The following WIPF3 variants were observed in gnomAD, a reference collection of about 807,000 sequenced individuals.
WIPF3 encodes the protein WAS/WASL interacting protein family member 3.
A neutral mutation model predicts 38.9 loss-of-function variants in WIPF3; 33 were observed. The observed-to-expected ratio is 0.85, with a 90% confidence interval of 0.64 to 1.14. WIPF3 has a LOEUF of 1.14. WIPF3 is among the 50% of genes most tolerant of loss of function. WIPF3 has a pLI of 0.00. For missense variants in WIPF3, 711 were observed against 652.5 expected, an observed-to-expected ratio of 1.09 and a Z score of -0.98; for synonymous variants, 324 against 269.3, an observed-to-expected ratio of 1.20 and a Z score of -1.99.
chr7:29,885,007 G>T (rs1005745337), intron 5 of WIPF3, among the ~76,000 whole-genome samples: 1 of 152,170 alleles, frequency 6.6e-6, no homozygotes, highest in Non-Finnish European at 1.5e-5. Flanking sequence ...TGGAGGGGGC[G>T]TGAGTGTGGC....
intron 2 of WIPF3, among the ~76,000 whole-genome samples, chr7:29,845,293 G>A (rs909087550): frequency 1.5e-4 from 23 of 152,288 alleles, no homozygotes; most frequent in South Asian, 6.2e-4. Flanking sequence ...TAGCAGTGCG[G>A]GGCACATAGT....
intron 1 of WIPF3, among the ~76,000 whole-genome samples, chr7:29,824,892 A>ATCCTGG (rs1437508365): frequency 1.3e-5 from 2 of 152,166 alleles, no homozygotes; most frequent in African/African-American, 4.8e-5. Flanking sequence ...GAATCTGCTT[A>ATCCTGG]TCCTGGAACA....
At chr7:29,809,479 G>C (rs191143586) in intron 1 of WIPF3, among the ~76,000 whole-genome samples, 1 of 152,204 alleles carries the variant, frequency 6.6e-6, no homozygotes, top group Admixed American at 6.5e-5. Flanking sequence ...TGACTTTGCC[G>C]ACAGCATGAC....
Position 29,843,988 on chromosome 7 carries a change from T to G in WIPF3, c.90+9174T>G, listed in dbSNP as rs369186179. Among the ~76,000 whole-genome samples the G allele has an allele frequency of 2.0e-5, 3 of 151,658 alleles. No homozygotes were observed. The East Asian group carries it at 6.0e-4, about 30-fold the overall frequency. On this transcript the variant is annotated intron_variant, in intron 2 of 8. Transcript: ENST00000242140. ...AAGCCAACACGCCACATCTCTGCAG[T>G]GGAGGGCTGGCTTGGCAGCCAGGAA...
chr7:29,806,886 A>G (rs771131019), intron 1 of WIPF3, among the ~76,000 whole-genome samples: 5 of 148,738 alleles, frequency 3.4e-5, no homozygotes, highest in South Asian at 2.2e-4. Context: ...CACGCCCCCC[A>G]CCCGCACCCT....
intron 8 of WIPF3, among the ~76,000 whole-genome samples, chr7:29,911,548 G>T (rs745846053): frequency 1.4e-4 from 21 of 151,992 alleles, no homozygotes; most frequent in Non-Finnish European, 2.6e-4. Flanking sequence ...AAACAGTGTG[G>T]TACTGGTATA....
chr7:29,820,536 A>G (rs548323185), intron 1 of WIPF3, among the ~76,000 whole-genome samples: 14 of 151,884 alleles, frequency 9.2e-5, no homozygotes, highest in Non-Finnish European at 1.6e-4. Flanking sequence ...GATGTGTCCT[A>G]TCTTTAGTTC....
chr7:29,893,150 G>C lies in WIPF3; in HGVS notation c.1351+3743G>C, dbSNP rs576402759. On this transcript the variant is annotated intron_variant, in intron 7 of 8. Transcript: ENST00000242140. Reference sequence around the variant, plus strand: ...AGAGTGATCAGGGTTTGGAGAACCAGGTGCAGATGGGATCAAGGAAAGTGG... The same window carrying C: ...AGAGTGATCAGGGTTTGGAGAACCACGTGCAGATGGGATCAAGGAAAGTGG... Among the ~76,000 whole-genome samples the C allele has an allele frequency of 1.5e-4, 23 of 152,340 alleles. No individual in the cohort carries two copies. The East Asian group carries it at 4.2e-3, about 28-fold the overall frequency.
At chr7:29,828,308 T>C (rs1026240917) in intron 1 of WIPF3, among the ~76,000 whole-genome samples, 2 of 152,150 alleles carry the variant, frequency 1.3e-5, no homozygotes, top group African/African-American at 2.4e-5. Context: ...CAGACATATA[T>C]AATTTTTTAT....
At chr7:29,864,921 T>G (rs899484328) in intron 2 of WIPF3, among the ~76,000 whole-genome samples, 20 of 152,198 alleles carry the variant, frequency 1.3e-4, no homozygotes, top group Non-Finnish European at 2.4e-4. Flanking sequence ...ATCTCTGGCT[T>G]TATTCCAGGG....
intron 7 of WIPF3, among the ~76,000 whole-genome samples, chr7:29,891,176 C>A (rs368974378): frequency 0.039 from 849 of 21,642 alleles, 38 homozygotes; most frequent in Middle Eastern, 0.11. Flanking sequence ...GGAGGGGGCG[C>A]GGGCCTGCCC....
At chr7:29,888,342 G>A in intron 6 of WIPF3, 125 bp downstream of exon 6, 1 of 1,271,028 alleles carries the variant, frequency 7.9e-7, no homozygotes, top group Admixed American at 2.4e-5. Flanking sequence ...TCATGAACAG[G>A]GGCTCACTCC....
rs531946571 is a variant in WIPF3, at chr7:29,806,899, C to G, written c.-58+221C>G. ...CTCACGCCCCCCACCCGCACCCTGCCACGCCGCCCCGGCCGGGCCGGGCCG... is the reference window on the plus strand; with the variant it reads ...CTCACGCCCCCCACCCGCACCCTGCGACGCCGCCCCGGCCGGGCCGGGCCG... On this transcript the variant is annotated intron_variant, in intron 1 of 8. Coordinates refer to ENST00000242140, the MANE Select transcript of WIPF3 (RefSeq NM_001080529.3). Among the ~76,000 whole-genome samples, 393 of 151,434 alleles carry G rather than the reference C, an allele frequency of 2.6e-3. 1 individual carries two copies. The highest frequency in any genetic ancestry group is 8.7e-3 in the African/African-American group (361 of 41,416).
intron 2 of WIPF3, among the ~76,000 whole-genome samples, chr7:29,837,182 C>T (rs572400713): frequency 4.7e-4 from 72 of 152,062 alleles, no homozygotes; most frequent in African/African-American, 9.4e-4. Flanking sequence ...GGTGAAACCC[C>T]GTCTCTACTA....
chr7:29,884,266 C>T lies in WIPF3; in HGVS notation c.772C>T (p.Pro258Ser). 1 of 910,848 alleles carries T rather than the reference C, an allele frequency of 1.1e-6. No homozygotes were observed. The allele number at this position is 910,848 out of a possible 1,614,324, so 56.4% of individuals were successfully genotyped here. A position where few individuals can be genotyped will look rare whatever the true frequency, so the allele number is the denominator to read the frequency against. ...VKPQLAPLHL[P>S]PIPPPLPLLP... ...GCCTCAGCTGGCTCCCTTGCACCTCCCGCCCATCCCGCCCCCGCTCCCTCT... is the reference window on the plus strand; with the variant it reads ...GCCTCAGCTGGCTCCCTTGCACCTCTCGCCCATCCCGCCCCCGCTCCCTCT... The change falls in exon 5 of 9, where the codon CCG becomes TCG. Residue 258 changes from proline to serine, a missense_variant. Transcript: ENST00000242140.
At chr7:29,901,844 A>G (rs1001048818) in intron 7 of WIPF3, among the ~76,000 whole-genome samples, 40 of 112,944 alleles carry the variant, frequency 3.5e-4, no homozygotes, top group African/African-American at 9.7e-4. Flanking sequence ...AAAAAAAAAA[A>G]AAAAAGAAAG....
chr7:29,909,513 T>G (rs138931445), intron 8 of WIPF3, among the ~76,000 whole-genome samples: 174 of 152,338 alleles, frequency 1.1e-3, no homozygotes, highest in African/African-American at 3.0e-3. Context: ...GAGAGTATTA[T>G]AAATACTTTT....
intron 1 of WIPF3, among the ~76,000 whole-genome samples, chr7:29,820,605 A>G (rs993301866): frequency 1.3e-5 from 2 of 151,924 alleles, no homozygotes; most frequent in Non-Finnish European, 2.9e-5. Flanking sequence ...TTTAATTTAG[A>G]GAGTATCCAC....
At chr7:29,866,686 C>A (rs1230090176) in intron 2 of WIPF3, among the ~76,000 whole-genome samples, 1 of 152,256 alleles carries the variant, frequency 6.6e-6, no homozygotes, top group Non-Finnish European at 1.5e-5. Context: ...GCTCCTTTGG[C>A]CCCAGCCTTC....
Sources: gnomAD v4.1 joint callset for allele counts (sites outside exome capture counted in the v4.1 genomes callset) on GRCh38, gnomAD v4.1.1 for gene constraint, MANE v1.5 for transcripts, NCBI Gene and HGNC (gene_info 2026-07-23, HGNC 2026-07-21) for gene names.